The following ANTXR1 variants were observed in gnomAD, a reference collection of about 807,000 sequenced individuals.
The protein encoded by ANTXR1 is anthrax toxin receptor 1.
A neutral mutation model predicts 78.1 loss-of-function variants in ANTXR1; 19 were observed. That is an observed-to-expected ratio of 0.24 (90% CI 0.17 to 0.36). The LOEUF is 0.36. Among genes scored for constraint, ANTXR1 ranks in the 10% least tolerant of loss-of-function variants. The pLI is 1.00. For missense variants in ANTXR1, 518 were observed against 718.6 expected, an observed-to-expected ratio of 0.72 and a Z score of 3.19; for synonymous variants, 273 against 260.5, an observed-to-expected ratio of 1.05 and a Z score of -0.46.
chr2:69,109,011 C>G (rs1671896069), intron 10 of ANTXR1, among the ~76,000 whole-genome samples: 1 of 152,198 alleles, frequency 6.6e-6, no homozygotes, highest in Non-Finnish European at 1.5e-5. Flanking sequence ...GTTACAAGCT[C>G]TGGAGCCAGA....
In ANTXR1 at chr2:69,020,066, A is replaced by G. The variant is rs181653830; in HGVS notation, c.152+6415A>G. On this transcript the variant is annotated intron_variant, in intron 1 of 17. Transcript: ENST00000303714. ...ATGCATGCATGTATCTTTATAATAG[A>G]ACAATTTATATTCCTTTGGGTATAT... Among the ~76,000 whole-genome samples the G allele has an allele frequency of 5.4e-3, 817 of 152,304 alleles. 5 individuals are homozygous for G. Among genetic ancestry groups the G allele is most frequent in the African/African-American group, 0.018 (765 of 41,562 alleles).
At chr2:69,087,579 G>A (rs766861083) in intron 8 of ANTXR1, among the ~76,000 whole-genome samples, 2 of 152,114 alleles carry the variant, frequency 1.3e-5, no homozygotes, top group Admixed American at 6.5e-5. Context: ...TCTTCACATG[G>A]GATTATACTT....
chr2:69,142,212 T>C (rs978753485), intron 12 of ANTXR1, among the ~76,000 whole-genome samples: 32 of 152,170 alleles, frequency 2.1e-4, no homozygotes, highest in Non-Finnish European at 4.3e-4. Context: ...TGGAGGGGAA[T>C]TGAGCAGCCA....
chr2:69,203,907 C>T (rs1328360172), intron 17 of ANTXR1, among the ~76,000 whole-genome samples: 1 of 152,190 alleles, frequency 6.6e-6, no homozygotes, highest in Non-Finnish European at 1.5e-5. Flanking sequence ...GAAGTAAATG[C>T]TAAGGCTGAA....
chr2:69,237,874 A>G (rs1219300051), intron 17 of ANTXR1, among the ~76,000 whole-genome samples: 1 of 152,224 alleles, frequency 6.6e-6, no homozygotes, highest in Non-Finnish European at 1.5e-5. Flanking sequence ...GTGTGTGTGC[A>G]CACGTGTATG....
intron 17 of ANTXR1, among the ~76,000 whole-genome samples, chr2:69,226,142 G>A (rs1675445942): frequency 6.6e-6 from 1 of 152,156 alleles, no homozygotes; most frequent in African/African-American, 2.4e-5. Flanking sequence ...ATAGCTCGGG[G>A]GAGTGGGCCA....
At chr2:69,241,855 G>C (rs182233527) in intron 17 of ANTXR1, among the ~76,000 whole-genome samples, 202 of 152,262 alleles carry the variant, frequency 1.3e-3, no homozygotes, top group Admixed American at 3.8e-3. Flanking sequence ...GCCAGGCACT[G>C]TTCCAAGCCC....
chr2:69,085,978 A>G (rs950517143), intron 8 of ANTXR1, among the ~76,000 whole-genome samples: 6 of 152,352 alleles, frequency 3.9e-5, no homozygotes, highest in Admixed American at 6.5e-5. Flanking sequence ...ACATCTTTAA[A>G]CCAGAATTTG....
chr2:69,084,294 G>T (rs76988843), intron 8 of ANTXR1, among the ~76,000 whole-genome samples: 4,882 of 152,276 alleles, frequency 0.032, 265 homozygotes, highest in African/African-American at 0.11. Flanking sequence ...GGAAACAAAT[G>T]AATTTCCTAC....
At chr2:69,219,669 G>A (rs937112860) in intron 17 of ANTXR1, among the ~76,000 whole-genome samples, 1 of 152,152 alleles carries the variant, frequency 6.6e-6, no homozygotes, top group Non-Finnish European at 1.5e-5. Context: ...TAAGTGTTAT[G>A]TTATCAACGT....
At chr2:69,069,087 C>T (rs942492262) in intron 3 of ANTXR1, among the ~76,000 whole-genome samples, 1 of 152,114 alleles carries the variant, frequency 6.6e-6, no homozygotes, top group African/African-American at 2.4e-5. Flanking sequence ...ATCAGCAGCC[C>T]AGGGACAGGC....
In ANTXR1 at chr2:69,246,096, T is replaced by C. The variant is rs894678604; in HGVS notation, c.*611T>C. On this transcript the variant is annotated 3_prime_UTR_variant, in exon 18 of 18. Transcript: ENST00000303714. Reference sequence around the variant, plus strand: ...ATGTATGGCATCTTTTCCTTGCAAATTCTTCCAGTTTCCAAGTGAGAAGGG... The same window carrying C: ...ATGTATGGCATCTTTTCCTTGCAAACTCTTCCAGTTTCCAAGTGAGAAGGG... 4 of 152,654 alleles carry C rather than the reference T, an allele frequency of 2.6e-5. No homozygotes were observed. Among genetic ancestry groups the C allele is most frequent in the Non-Finnish European group, 1.5e-5 (1 of 68,398 alleles). The allele number at this position is 152,654 out of a possible 1,614,324, so 9.5% of individuals were successfully genotyped here.
At chr2:69,185,382 A>G (rs113910319) in intron 16 of ANTXR1, among the ~76,000 whole-genome samples, 102 of 152,060 alleles carry the variant, frequency 6.7e-4, no homozygotes, top group Non-Finnish European at 1.2e-3. Flanking sequence ...TCTACTAAAA[A>G]TACAAAAATT....
chr2:69,113,853 G>C (rs1219973387), intron 10 of ANTXR1, among the ~76,000 whole-genome samples: 13 of 152,186 alleles, frequency 8.5e-5, no homozygotes, highest in Admixed American at 7.9e-4. Flanking sequence ...GCAAGTTATA[G>C]CTGTTTTAAG....
intron 13 of ANTXR1, among the ~76,000 whole-genome samples, chr2:69,168,408 C>T (rs1673889390): frequency 3.9e-5 from 6 of 152,182 alleles, no homozygotes; most frequent in Admixed American, 3.3e-4. Context: ...CAAATCCTGA[C>T]AGTCAGGAGA....
rs771164568 is a variant in ANTXR1 at position 69,192,647 on chromosome 2, A to G, written c.1354-688A>G. On this transcript the variant is annotated intron_variant, in intron 16 of 17. Coordinates refer to ENST00000303714, the MANE Select transcript of ANTXR1 (RefSeq NM_032208.3). ...GGTAACATATTCACAGGTTCCCGGGAATACAAATAAAAGTCACCTGTAGGG... is the reference window on the plus strand; with the variant it reads ...GGTAACATATTCACAGGTTCCCGGGGATACAAATAAAAGTCACCTGTAGGG... Among the ~76,000 whole-genome samples, 9 of 152,200 alleles carry G rather than the reference A, an allele frequency of 5.9e-5. No individual in the cohort carries two copies. In the East Asian group the frequency reaches 7.7e-4, roughly 13 times the overall value.
At chr2:69,066,391 G>A (rs1670400668) in intron 3 of ANTXR1, among the ~76,000 whole-genome samples, 1 of 152,032 alleles carries the variant, frequency 6.6e-6, no homozygotes, top group African/African-American at 2.4e-5. Flanking sequence ...TGCCTCCTGG[G>A]TTTAAGCGAT....
intron 17 of ANTXR1, among the ~76,000 whole-genome samples, chr2:69,239,291 AG>A (rs1675842167): frequency 1.3e-5 from 2 of 152,222 alleles, no homozygotes; most frequent in Non-Finnish European, 2.9e-5. Flanking sequence ...GATGGAGGCC[AG>A]GTGCGGTGGC....
chr2:69,200,365 G>A (rs1438475295), intron 17 of ANTXR1, among the ~76,000 whole-genome samples: 2 of 152,226 alleles, frequency 1.3e-5, no homozygotes, highest in Non-Finnish European at 2.9e-5. Context: ...TCCAATAAGG[G>A]CGTGAGGCCA....
Sources: gnomAD v4.1 joint callset for allele counts (sites outside exome capture counted in the v4.1 genomes callset) on GRCh38, gnomAD v4.1.1 for gene constraint, MANE v1.5 for transcripts, NCBI Gene and HGNC (gene_info 2026-07-23, HGNC 2026-07-21) for gene names.